The following ZSWIM7 variants were observed in gnomAD, a reference collection of about 807,000 sequenced individuals.
ZSWIM7 encodes the protein zinc finger SWIM-type containing 7.
Under a neutral mutation model 21.1 loss-of-function variants are expected in ZSWIM7, and 22 were observed. The observed-to-expected ratio is 1.04, with a 90% confidence interval of 0.74 to 1.49. ZSWIM7 has a LOEUF of 1.49. Ranked by LOEUF, ZSWIM7 falls within the 40% of genes most tolerant of loss-of-function variation. ZSWIM7 has a pLI of 0.00. For synonymous variants in ZSWIM7, 67 were observed against 66.5 expected, an observed-to-expected ratio of 1.01 and a Z score of -0.04; for missense variants, 193 against 168.0, an observed-to-expected ratio of 1.15 and a Z score of -0.82.
At chr17:15,984,626 C>T (rs975688696) in intron 3 of ZSWIM7, among the ~76,000 whole-genome samples, 1 of 152,220 alleles carries the variant, frequency 6.6e-6, no homozygotes, top group African/African-American at 2.4e-5. Flanking sequence ...GGACACTCCA[C>T]AGTGTCTTTG....
chr17:15,999,074 G>T (rs767750029), intron 1 of ZSWIM7, among the ~76,000 whole-genome samples: 4 of 152,136 alleles, frequency 2.6e-5, no homozygotes, highest in Admixed American at 1.3e-4. Context: ...AAAGTGTATG[G>T]AAGCATTAAC....
intron 3 of ZSWIM7, 80 bp from the exon 4 acceptor site, chr17:15,981,224 C>T (rs555400190): frequency 2.0e-6 from 2 of 1,002,208 alleles, no homozygotes; most frequent in Admixed American, 2.3e-5. Flanking sequence ...TATGTAGACT[C>T]AGAGTTGCTC....
At chr17:15,984,521 T>C (rs1970388727) in intron 3 of ZSWIM7, among the ~76,000 whole-genome samples, 1 of 152,236 alleles carries the variant, frequency 6.6e-6, no homozygotes, top group African/African-American at 2.4e-5. Context: ...GTGGTTCTAC[T>C]GTGGTTTCAG....
Position 15,988,432 on chromosome 17 carries a change from C to T in ZSWIM7, c.99-1064G>A, listed in dbSNP as rs568120588. Among the ~76,000 whole-genome samples the T allele has an allele frequency of 2.0e-4, 31 of 152,174 alleles. 1 individual carries two copies. The highest frequency in any genetic ancestry group is 7.2e-4 in the African/African-American group (30 of 41,522). Reference sequence around the variant, plus strand: ...AATATTCAATTATCCCCATACATGTCCCTTGGCATACATCTCTGAAAATCC... The same window carrying T: ...AATATTCAATTATCCCCATACATGTTCCTTGGCATACATCTCTGAAAATCC... On this transcript the variant is annotated intron_variant, in intron 2 of 4. Transcript: ENST00000399277.
intron 1 of ZSWIM7, among the ~76,000 whole-genome samples, chr17:15,994,850 A>C (rs1445073875): frequency 1.3e-5 from 2 of 152,212 alleles, no homozygotes; most frequent in Non-Finnish European, 2.9e-5. Context: ...ACTGAGAACA[A>C]CTATAGTGAC....
chr17:15,999,283 C>A (rs1172490091), intron 1 of ZSWIM7: 1 of 632,814 alleles, frequency 1.6e-6, no homozygotes, highest in Admixed American at 2.7e-5. Context: ...CGGAGGGGCT[C>A]CTGCAACTGC....
At chr17:15,989,800 A>AT (rs1451736661) in intron 2 of ZSWIM7, among the ~76,000 whole-genome samples, 1 of 151,904 alleles carries the variant, frequency 6.6e-6, no homozygotes, top group Non-Finnish European at 1.5e-5. Flanking sequence ...CATCCAGTTA[A>AT]TTTTTTGATT....
At chr17:15,993,474 C>G (rs188710924) in intron 2 of ZSWIM7, among the ~76,000 whole-genome samples, 2 of 151,994 alleles carry the variant, frequency 1.3e-5, no homozygotes, top group African/African-American at 4.8e-5. Flanking sequence ...TCAAGTGATT[C>G]TCCTGCCTTA....
chr17:15,981,860 G>A (rs968506579), intron 3 of ZSWIM7, among the ~76,000 whole-genome samples: 1 of 152,210 alleles, frequency 6.6e-6, no homozygotes, highest in African/African-American at 2.4e-5. Flanking sequence ...AGGCTGCAGT[G>A]AGCTGTGACT....
chr17:15,994,126 T>C (rs558294337), intron 1 of ZSWIM7, among the ~76,000 whole-genome samples: 73 of 152,174 alleles, frequency 4.8e-4, no homozygotes, highest in African/African-American at 1.7e-3. Context: ...TTTTTTTTGG[T>C]ATGTTTAGTA....
chr17:15,982,130 G>C (rs1164419625), intron 3 of ZSWIM7, among the ~76,000 whole-genome samples: 1 of 152,120 alleles, frequency 6.6e-6, no homozygotes, highest in Non-Finnish European at 1.5e-5. Flanking sequence ...TTGATAAGAG[G>C]CACAGTCTAA....
At chr17:15,997,708 C>A in intron 1 of ZSWIM7, among the ~76,000 whole-genome samples, 1 of 152,270 alleles carries the variant, frequency 6.6e-6, no homozygotes, top group East Asian at 1.9e-4. Context: ...CATGAATCAA[C>A]AGCATTGGTT....
intron 3 of ZSWIM7, among the ~76,000 whole-genome samples, chr17:15,986,614 A>C (rs541962539): frequency 6.6e-6 from 1 of 151,932 alleles, no homozygotes; most frequent in Non-Finnish European, 1.5e-5. Context: ...CAAAAAAAAA[A>C]GTTGAACTCA....
chr17:15,996,728 G>A (rs1260221956), intron 1 of ZSWIM7, among the ~76,000 whole-genome samples: 1 of 152,046 alleles, frequency 6.6e-6, no homozygotes, highest in Admixed American at 6.5e-5. Context: ...GTGCACACCT[G>A]TGGTACCAGT....
At position 15,993,851 on chromosome 17, in the gene ZSWIM7, C is replaced by T. The variant is rs1379539495; in HGVS notation, c.77-73G>A. 1.2e-5 allele frequency: 14 copies of T among 1,193,332 alleles called. No individual in the cohort carries two copies. In the Admixed American group the frequency reaches 1.9e-4, roughly 17 times the overall value. The allele number at this position is 1,193,332 out of a possible 1,614,324, so 73.9% of individuals were successfully genotyped here. A position where few individuals can be genotyped will look rare whatever the true frequency, so the allele number is the denominator to read the frequency against. On this transcript the variant is annotated intron_variant, in intron 1 of 4. Transcript: ENST00000399277. ...CCATTGACATAAAAATCTTAAAAAA[C>T]ACTGTAACTAAAAACACTTCCGTGT...
chr17:15,999,598 G>T lies in ZSWIM7; in HGVS notation c.-4C>A. On this transcript the variant is annotated 5_prime_UTR_variant, in exon 1 of 5. Transcript: ENST00000399277. ...CCGCCGGCAACACTACGGCCATCGC[G>T]CCGCAGGACACGCCCTCCACGACCG... 1 of 1,572,740 alleles carries T rather than the reference G, an allele frequency of 6.4e-7. No homozygotes were observed. The highest frequency in any genetic ancestry group is 1.8e-5 in the Admixed American group (1 of 54,660).
chr17:15,999,281 C>T, intron 1 of ZSWIM7: 1 of 629,292 alleles, frequency 1.6e-6, no homozygotes, highest in South Asian at 1.9e-5. Flanking sequence ...GACGGAGGGG[C>T]TCCTGCAACT....
chr17:15,978,074 T>C lies in ZSWIM7; in HGVS notation c.396A>G (p.Leu132=), dbSNP rs754240642. The change falls in exon 5 of 5, where the codon TTA becomes TTG. Residue 132 remains leucine (L), a synonymous_variant. Coordinates refer to ENST00000399277, the MANE Select transcript of ZSWIM7 (RefSeq NM_001042697.2). ...SVSDKQLTDI[L]LMEKKQEA is the part of the protein sequence containing the mutation. ...ATGCTTCTTGTTTCTTCTCCATCAA[T>C]AATATGTCAGTCAACTGCTTGTCAG... 8 of 1,613,922 alleles carry C rather than the reference T, an allele frequency of 5.0e-6. No individual in the cohort carries two copies. In the East Asian group the frequency reaches 1.3e-4, roughly 27 times the overall value.
chr17:15,996,603 C>A (rs957265531), intron 1 of ZSWIM7, among the ~76,000 whole-genome samples: 1 of 152,048 alleles, frequency 6.6e-6, no homozygotes, highest in Non-Finnish European at 1.5e-5. Context: ...ACATCTCATG[C>A]CCCCTTCTTC....
Sources: gnomAD v4.1 joint callset for allele counts (sites outside exome capture counted in the v4.1 genomes callset) on GRCh38, gnomAD v4.1.1 for gene constraint, MANE v1.5 for transcripts, NCBI Gene and HGNC (gene_info 2026-07-23, HGNC 2026-07-21) for gene names.